Variants in CALN1 observed in about 807,000 individuals in gnomAD.
The protein encoded by CALN1 is calneuron 1, also known as calcium-binding protein 8.
A neutral mutation model predicts 30.6 loss-of-function variants in CALN1; 17 were observed. The observed-to-expected ratio is 0.56, with a 90% CI of 0.38 to 0.83. CALN1 has a LOEUF of 0.83. CALN1 is among the 40% of genes least tolerant of loss of function. The probability of loss-of-function intolerance (pLI) is 0.00; values close to 1 mark genes in which losing one functional copy is unlikely to be tolerated. For missense variants in CALN1, 291 were observed against 354.9 expected (o/e 0.82, Z 1.45); for synonymous variants, 156 against 131.4 (o/e 1.19, Z -1.28).
chr7:72,317,048 G>GAGAAAGAAAGACAC (rs1266093548), intron 2 of CALN1, among the ~76,000 whole-genome samples: 1 of 141,854 alleles, frequency 7.0e-6, no homozygotes, highest in African/African-American at 2.8e-5. Context: ...AAGAGAGAGA[G>GAGAAAGAAAGACAC]AGAAAGAGAG....
chr7:71,905,029 C>G (rs1163862298), intron 5 of CALN1, among the ~76,000 whole-genome samples: 1 of 152,128 alleles, frequency 6.6e-6, no homozygotes, highest in African/African-American at 2.4e-5. Flanking sequence ...ACCTCTGCCT[C>G]CCAGGTTCAA....
chr7:71,884,365 C>T (rs757103286), intron 5 of CALN1, among the ~76,000 whole-genome samples: 8 of 152,124 alleles, frequency 5.3e-5, no homozygotes, highest in Non-Finnish European at 1.2e-4. Flanking sequence ...CTGCCTGTTT[C>T]CCTTCCTTCC....
intron 3 of CALN1, among the ~76,000 whole-genome samples, chr7:72,154,530 C>T (rs7808318): frequency 0.26 from 39,557 of 152,128 alleles, 6,093 homozygotes; most frequent in Non-Finnish European, 0.35. Flanking sequence ...CTCTACACAA[C>T]ACTCTTATTT....
intron 5 of CALN1, among the ~76,000 whole-genome samples, chr7:71,859,030 A>T (rs1791116823): frequency 6.6e-6 from 1 of 151,526 alleles, no homozygotes; most frequent in Non-Finnish European, 1.5e-5. Context: ...CTGGGTAATC[A>T]TTTTTCTTTT....
At chr7:72,046,629 G>A (rs1802484061) in intron 4 of CALN1, among the ~76,000 whole-genome samples, 1 of 139,826 alleles carries the variant, frequency 7.2e-6, no homozygotes, top group Non-Finnish European at 1.5e-5. Context: ...AGTATCACTT[G>A]AACCCAGGAG....
rs556259914 is a variant in CALN1 at position 72,186,870 on chromosome 7, CAT to C, written c.245-80578_245-80577del. Among the ~76,000 whole-genome samples the C allele has an allele frequency of 4.7e-3, 634 of 134,218 alleles. 6 individuals carry two copies. Among genetic ancestry groups the C allele is most frequent in the African/African-American group, 0.017 (613 of 36,902 alleles). The allele number at this position is 134,218 out of a possible 152,430, so 88.1% of individuals were successfully genotyped here. A position where few individuals can be genotyped will look rare whatever the true frequency, so the allele number is the denominator to read the frequency against. On this transcript the variant is annotated intron_variant, in intron 3 of 6. Coordinates refer to ENST00000395275, the MANE Select transcript of CALN1 (RefSeq NM_031468.4). ...CTATTGTGAATAGTGCTGCAATAAA[CAT>C]ATGAGTGCAGAGCTTTTTTTTTTTT...
At chr7:72,395,064 T>C (rs1240231074) in intron 2 of CALN1, among the ~76,000 whole-genome samples, 2 of 152,320 alleles carry the variant, frequency 1.3e-5, no homozygotes, top group East Asian at 3.9e-4. Flanking sequence ...AGCTTGCATG[T>C]ATCCTAACAC....
the CALN1 span, among the ~76,000 whole-genome samples, chr7:72,491,226 C>CAAAAA: frequency 2.3e-5 from 3 of 132,168 alleles, no homozygotes; most frequent in South Asian, 2.5e-4. Flanking sequence ...GACTCCGTCT[C>CAAAAA]AAAAAAAAAA....
intron 2 of CALN1, among the ~76,000 whole-genome samples, chr7:72,301,927 C>T (rs890841103): frequency 9.9e-5 from 15 of 151,888 alleles, no homozygotes; most frequent in South Asian, 4.2e-4. Flanking sequence ...CCAGTGTCAC[C>T]GACAAGCAGG....
chr7:72,302,893 CAAAAA>C (rs71069055), intron 2 of CALN1, among the ~76,000 whole-genome samples: 6 of 48,748 alleles, frequency 1.2e-4, no homozygotes, highest in African/African-American at 2.3e-4. Context: ...GTGAGGGTCT[CAAAAA>C]AAAAAAAAAA....
At chr7:72,408,819 A>T (rs906283178) in intron 1 of CALN1, among the ~76,000 whole-genome samples, 1 of 151,616 alleles carries the variant, frequency 6.6e-6, no homozygotes, top group East Asian at 2.0e-4. Flanking sequence ...CTGGGACTAC[A>T]GGCGGGCACC....
intron 5 of CALN1, among the ~76,000 whole-genome samples, chr7:71,963,601 A>G (rs185976178): frequency 1.1e-4 from 17 of 152,222 alleles, no homozygotes; most frequent in South Asian, 6.2e-4. Context: ...CACCGTGCCC[A>G]GCCTAGGAAA....
intron 5 of CALN1, among the ~76,000 whole-genome samples, chr7:71,939,589 T>C (rs1430334059): frequency 7.0e-6 from 1 of 143,292 alleles, no homozygotes; most frequent in African/African-American, 2.5e-5. Context: ...AAAAAAAAAG[T>C]TTACGGATGG....
At chr7:72,358,372 T>C (rs564022027) in intron 2 of CALN1, among the ~76,000 whole-genome samples, 1 of 152,060 alleles carries the variant, frequency 6.6e-6, no homozygotes, top group Admixed American at 6.5e-5. Context: ...CTCGCTCACT[T>C]CTCTGATTAG....
At chr7:72,487,531 C>A in the CALN1 span, among the ~76,000 whole-genome samples, 1 of 151,264 alleles carries the variant, frequency 6.6e-6, no homozygotes, top group East Asian at 2.0e-4. Flanking sequence ...ACTGAAAATA[C>A]AAAAATTAGC....
intron 2 of CALN1, among the ~76,000 whole-genome samples, chr7:72,354,255 G>GT (rs999221099): frequency 1.3e-5 from 2 of 151,684 alleles, no homozygotes; most frequent in Admixed American, 6.6e-5. Flanking sequence ...CAAAATAAGT[G>GT]TAAGTTCTGT....
At chr7:72,413,001 C>T (rs1309364526), upstream of CALN1, among the ~76,000 whole-genome samples, 1 of 152,222 alleles carries the variant, frequency 6.6e-6, no homozygotes, top group Admixed American at 6.5e-5. Flanking sequence ...CACGCTAAGC[C>T]CACCTGGAGT....
At chr7:72,503,750 T>C in the CALN1 span, among the ~76,000 whole-genome samples, 3 of 151,978 alleles carry the variant, frequency 2.0e-5, no homozygotes, top group African/African-American at 7.2e-5. Context: ...TGGACTCAAA[T>C]CCCAAAGCAT....
intron 5 of CALN1, among the ~76,000 whole-genome samples, chr7:71,818,916 G>T (rs1388873751): frequency 6.6e-6 from 1 of 151,794 alleles, no homozygotes; most frequent in Non-Finnish European, 1.5e-5. Context: ...CACCATATTG[G>T]CCAGGCTGGT....
Sources: allele counts gnomAD v4.1 joint callset (sites outside exome capture counted in the v4.1 genomes callset), GRCh38; gene constraint gnomAD v4.1.1; transcripts MANE v1.5; gene names NCBI Gene and HGNC (gene_info 2026-07-23, HGNC 2026-07-21).